Variants in CLVS1 observed in about 807,000 individuals in gnomAD.
CLVS1 encodes the protein clavesin-1.
CLVS1 carries 10 observed loss-of-function variants against 33.1 expected under a neutral mutation model. The observed-to-expected ratio is 0.30, with a 90% CI of 0.19 to 0.51. CLVS1 has a LOEUF of 0.51. CLVS1 is among the 20% of genes least tolerant of loss of function. CLVS1 has a pLI of 0.97. For synonymous variants in CLVS1, 163 were observed against 166.1 expected, an observed-to-expected ratio of 0.98 and a Z score of 0.14; for missense variants, 343 against 433.4, an observed-to-expected ratio of 0.79 and a Z score of 1.85.
chr8:61,094,044 CTG>C (rs1384757428), intron 1 of CLVS1, among the ~76,000 whole-genome samples: 2 of 152,244 alleles, frequency 1.3e-5, no homozygotes, highest in Admixed American at 1.3e-4. Context: ...CTCGGGCTCA[CTG>C]TGCACAGCCA....
intron 1 of CLVS1, among the ~76,000 whole-genome samples, chr8:61,127,113 A>T (rs1019962207): frequency 4.6e-5 from 7 of 152,184 alleles, no homozygotes; most frequent in Non-Finnish European, 1.0e-4. Flanking sequence ...GGTAAACATA[A>T]AGCTTTAGCA....
the CLVS1 span, among the ~76,000 whole-genome samples, chr8:60,971,796 G>A: frequency 9.9e-5 from 15 of 152,122 alleles, no homozygotes; most frequent in Non-Finnish European, 1.6e-4. Flanking sequence ...GAACTGAATC[G>A]AGAAGACAGT....
chr8:61,167,477 C>T (rs1047002781), intron 2 of CLVS1, among the ~76,000 whole-genome samples: 5 of 152,106 alleles, frequency 3.3e-5, no homozygotes, highest in East Asian at 1.9e-4. Context: ...CCACCGTGCC[C>T]GGTCCAGCTT....
At chr8:61,394,422 A>G (rs1439620146) in intron 3 of CLVS1, among the ~76,000 whole-genome samples, 1 of 152,180 alleles carries the variant, frequency 6.6e-6, no homozygotes, top group African/African-American at 2.4e-5. Context: ...GTCTTCAGCT[A>G]GAAGAGCATG....
At chr8:61,095,311 C>A (rs751656542) in intron 1 of CLVS1, among the ~76,000 whole-genome samples, 1 of 152,156 alleles carries the variant, frequency 6.6e-6, no homozygotes. Context: ...ATCAAACAAA[C>A]AATAAGGTTT....
chr8:61,004,414 T>G, the CLVS1 span, among the ~76,000 whole-genome samples: 1 of 152,178 alleles, frequency 6.6e-6, no homozygotes, highest in Non-Finnish European at 1.5e-5. Context: ...AAGAATGCAT[T>G]GAGCCAGCTC....
intron 2 of CLVS1, among the ~76,000 whole-genome samples, chr8:61,321,730 A>G (rs1811200791): frequency 6.6e-6 from 1 of 152,144 alleles, no homozygotes; most frequent in Non-Finnish European, 1.5e-5. Flanking sequence ...CTCTGGGATT[A>G]TTTAAAAAAT....
chr8:61,091,208 C>T (rs568667156), intron 1 of CLVS1, among the ~76,000 whole-genome samples: 1 of 152,070 alleles, frequency 6.6e-6, no homozygotes, highest in Admixed American at 6.6e-5. Context: ...GAGATCTGAG[C>T]GATGTGGCCA....
intron 2 of CLVS1, among the ~76,000 whole-genome samples, chr8:61,304,954 GA>G (rs1432763745): frequency 6.6e-6 from 1 of 152,164 alleles, no homozygotes. Context: ...AGGCCAAATA[GA>G]AAAGTGATGA....
intron 3 of CLVS1, among the ~76,000 whole-genome samples, chr8:61,389,540 GA>G (rs11444687): frequency 4.1e-4 from 59 of 143,124 alleles, no homozygotes; most frequent in South Asian, 8.8e-4. Flanking sequence ...CTCAAAAAAG[GA>G]AAAAAAAAAA....
chr8:60,979,279 A>T, the CLVS1 span, among the ~76,000 whole-genome samples: 2 of 152,250 alleles, frequency 1.3e-5, no homozygotes, highest in African/African-American at 4.8e-5. Context: ...AGGTTTGCAC[A>T]CAGCTCCCCT....
At chr8:61,149,945 G>C (rs558788298) in intron 2 of CLVS1, among the ~76,000 whole-genome samples, 4 of 152,162 alleles carry the variant, frequency 2.6e-5, no homozygotes, top group African/African-American at 9.7e-5. Context: ...TGTGGATTCT[G>C]CTTATTAAGG....
chr8:60,974,232 C>G, the CLVS1 span, among the ~76,000 whole-genome samples: 1 of 152,148 alleles, frequency 6.6e-6, no homozygotes, highest in Non-Finnish European at 1.5e-5. Context: ...GATGGGGGCA[C>G]TCCCCAAGTC....
chr8:61,033,161 A>AAG, the CLVS1 span, among the ~76,000 whole-genome samples: 9 of 92,190 alleles, frequency 9.8e-5, 1 homozygote, highest in African/African-American at 2.2e-4. Flanking sequence ...GAAAGAAAGA[A>AAG]AAAGAAAGAA....
At chr8:61,479,192 A>T (rs965999788) in intron 5 of CLVS1, among the ~76,000 whole-genome samples, 1 of 152,144 alleles carries the variant, frequency 6.6e-6, no homozygotes, top group African/African-American at 2.4e-5. Context: ...ACTTGGTTCC[A>T]TTCTCTCCAT....
At position 61,096,563 on chromosome 8, in the gene CLVS1, C is replaced by T. The variant is rs1805354305; in HGVS notation, c.-242-35207C>T. On this transcript the variant is annotated intron_variant, in intron 1 of 2. Coordinates refer to the CLVS1 transcript ENST00000522621. ...TAAAATAGGATGTAAATATTTAAAGCGAAGCCTGGAGAAAATAATTTGCGA... is the reference window on the plus strand; with the variant it reads ...TAAAATAGGATGTAAATATTTAAAGTGAAGCCTGGAGAAAATAATTTGCGA... Among the ~76,000 whole-genome samples the T allele has an allele frequency of 2.0e-5, 3 of 152,232 alleles. No homozygotes were observed. The South Asian group carries it at 6.2e-4, about 32-fold the overall frequency.
rs114485434 is a variant in CLVS1, at chr8:61,146,462, C to T, written c.-152+14602C>T. ...GGATCCCCCTGGAAATGGGGGTGCTCTCCATGAAATCTGTGCCCAGGCCCA... is the reference window on the plus strand; with the variant it reads ...GGATCCCCCTGGAAATGGGGGTGCTTTCCATGAAATCTGTGCCCAGGCCCA... On this transcript the variant is annotated intron_variant, in intron 2 of 2. Transcript: ENST00000522621. Among the ~76,000 whole-genome samples, 635 of 152,320 alleles carry T rather than the reference C, an allele frequency of 4.2e-3. 4 individuals are homozygous for T. The highest frequency in any genetic ancestry group is 0.014 in the African/African-American group (589 of 41,576).
intron 2 of CLVS1, chr8:61,202,337 C>A: frequency 1.4e-6 from 1 of 721,018 alleles, no homozygotes. Context: ...TACCTAAGTG[C>A]GTGCTGCCTC....
At chr8:60,977,166 C>A in the CLVS1 span, among the ~76,000 whole-genome samples, 2 of 152,176 alleles carry the variant, frequency 1.3e-5, no homozygotes, top group African/African-American at 2.4e-5. Flanking sequence ...AAATGGTTGA[C>A]CCTAGTCCTC....
Sources: gnomAD v4.1 joint callset for allele counts (sites outside exome capture counted in the v4.1 genomes callset) on GRCh38, gnomAD v4.1.1 for gene constraint, MANE v1.5 for transcripts, NCBI Gene and HGNC (gene_info 2026-07-23, HGNC 2026-07-21) for gene names.